Variants in NBPF26 observed in about 807,000 individuals in gnomAD.
NBPF26 encodes the protein NBPF member 26, also known as NBPF family member NBPF26.
In NBPF26, 79 loss-of-function variants were observed where a neutral mutation model predicts 119.6. That is an observed-to-expected ratio of 0.66 (90% CI 0.55 to 0.80). The LOEUF (loss-of-function observed/expected upper bound fraction) is 0.80. Among genes scored for constraint, NBPF26 ranks in the 30% least tolerant of loss-of-function variants. The probability of loss-of-function intolerance (pLI) is 0.00; values close to 1 mark genes in which losing one functional copy is unlikely to be tolerated. For missense variants in NBPF26, 800 were observed against 1,198.2 expected, an observed-to-expected ratio of 0.67 and a Z score of 4.91; for synonymous variants, 299 against 457.7, an observed-to-expected ratio of 0.65 and a Z score of 4.43.
At chr1:120,815,696 CA>C (rs1651993583) in intron 12 of NBPF26, among the ~76,000 whole-genome samples, 1 of 69,124 alleles carries the variant, frequency 1.4e-5, no homozygotes, top group Non-Finnish European at 2.5e-5. Context: ...GACTGTGGGA[CA>C]AGTTTGTCTG....
chr1:120,811,873 T>G lies in NBPF26; in HGVS notation c.1565-13T>G. The G allele has an allele frequency of 1.2e-6, 1 of 819,202 alleles. No homozygotes were observed. Among genetic ancestry groups the G allele is most frequent in the Non-Finnish European group, 1.9e-6 (1 of 513,262 alleles). The allele number at this position is 819,202 out of a possible 1,614,324, so 50.7% of individuals were successfully genotyped here. On this transcript the variant is annotated splice_polypyrimidine_tract_variant and intron_variant, in intron 9 of 29. Transcript: ENST00000620612. ...TTTTTAACCCATCATGTGTTTGCCTTTCTTCTCCCCAGTCCCTGGCCCCAC... is the reference window on the plus strand; with the variant it reads ...TTTTTAACCCATCATGTGTTTGCCTGTCTTCTCCCCAGTCCCTGGCCCCAC...
exon 1 of NBPF26, chr1:120,724,034 A>C: frequency 8.0e-7 from 1 of 1,245,196 alleles, no homozygotes; most frequent in Non-Finnish European, 1.0e-6. Context: ...TGGGCTTCGG[A>C]GCGTAGCGCC....
At chr1:120,752,540 A>G (rs1464556745) in intron 1 of NBPF26, among the ~76,000 whole-genome samples, 1 of 14,422 alleles carries the variant, frequency 6.9e-5, no homozygotes, top group Non-Finnish European at 1.2e-4. Context: ...ATATATATAT[A>G]TATATATATA....
intron 1 of NBPF26, 70 bp downstream of exon 1, chr1:120,724,320 T>C (rs1650790495): frequency 1.5e-6 from 2 of 1,360,436 alleles, no homozygotes; most frequent in African/African-American, 2.7e-5. Context: ...CTTCTCCCCC[T>C]CAGTCCTTCT....
In NBPF26 at chr1:120,777,475, T is replaced by C. The variant is rs1451895715; in HGVS notation, c.156-7499T>C. On this transcript the variant is annotated intron_variant, in intron 2 of 29. Transcript: ENST00000620612. ...TGTGTACGTGTGTGAGAGTGAGAGATTGTATACTTGTCTTTGTTTCTTCAC... is the reference window on the plus strand; with the variant it reads ...TGTGTACGTGTGTGAGAGTGAGAGACTGTATACTTGTCTTTGTTTCTTCAC... Among the ~76,000 whole-genome samples, 92 of 109,406 alleles carry C rather than the reference T, an allele frequency of 8.4e-4. 35 individuals carry two copies. Among genetic ancestry groups the C allele is most frequent in the African/African-American group, 5.1e-3 (91 of 17,802 alleles). 71.8% of individuals were successfully genotyped at this position (109,406 alleles called of 152,430 possible).
At chr1:120,817,449 G>T (rs1210320037) in intron 14 of NBPF26, among the ~76,000 whole-genome samples, 2 of 13,466 alleles carry the variant, frequency 1.5e-4, no homozygotes, top group Non-Finnish European at 2.4e-4. Flanking sequence ...TTTTTTTTGC[G>T]ATGGAGTCTT....
At chr1:120,778,118 C>T (rs1352068216) in intron 2 of NBPF26, among the ~76,000 whole-genome samples, 1 of 91,994 alleles carries the variant, frequency 1.1e-5, no homozygotes, top group Non-Finnish European at 2.0e-5. Flanking sequence ...GGAAACTAAG[C>T]TGGCATTATG....
Position 120,819,308 on chromosome 1 carries a change from T to A in NBPF26, c.2423+1134T>A, listed in dbSNP as rs1438062937. Reference sequence around the variant, plus strand: ...AGAGACTAGGATTGCAACCCCTGCCTTTTTTTTGTTTTCCATTTGCTTGGT... The same window carrying A: ...AGAGACTAGGATTGCAACCCCTGCCATTTTTTTGTTTTCCATTTGCTTGGT... On this transcript the variant is annotated intron_variant, in intron 15 of 29. Transcript: ENST00000620612. Among the ~76,000 whole-genome samples, 2 of 109,680 alleles carry A rather than the reference T, an allele frequency of 1.8e-5. 1 individual carries two copies. Among genetic ancestry groups the A allele is most frequent in the Non-Finnish European group, 3.3e-5 (2 of 59,740 alleles). The allele number at this position is 109,680 out of a possible 152,430, so 72.0% of individuals were successfully genotyped here. A position where few individuals can be genotyped will look rare whatever the true frequency, so the allele number is the denominator to read the frequency against.
At chr1:120,745,144 AC>A (rs1399578524) in intron 1 of NBPF26, among the ~76,000 whole-genome samples, 1 of 101,058 alleles carries the variant, frequency 9.9e-6, no homozygotes, top group South Asian at 2.8e-4. Flanking sequence ...CAAAAAAAAA[AC>A]AAAAAAAAGT....
At chr1:120,806,255 C>G (rs1651680155) in intron 5 of NBPF26, among the ~76,000 whole-genome samples, 1 of 122,678 alleles carries the variant, frequency 8.2e-6, no homozygotes, top group Non-Finnish European at 1.6e-5. Context: ...CAAGGGGAGT[C>G]TGCTCCTAAT....
At chr1:120,805,060 G>C (rs1651647702) in intron 4 of NBPF26, among the ~76,000 whole-genome samples, 2 of 121,980 alleles carry the variant, frequency 1.6e-5, no homozygotes, top group Admixed American at 1.6e-4. Context: ...ATGTTGTACA[G>C]ACAAGAGATA....
At chr1:120,819,218 T>C (rs1489843915) in intron 15 of NBPF26, among the ~76,000 whole-genome samples, 3 of 122,170 alleles carry the variant, frequency 2.5e-5, no homozygotes, top group African/African-American at 8.2e-5. Flanking sequence ...AATTGATCCC[T>C]TTACCATTAT....
chr1:120,790,056 A>G (rs1379171084), intron 3 of NBPF26, among the ~76,000 whole-genome samples: 3 of 67,132 alleles, frequency 4.5e-5, no homozygotes, highest in East Asian at 6.2e-4. Context: ...TTGCTTTGTC[A>G]TCCAGGCTGG....
Position 120,784,731 on chromosome 1 carries a change from T to A in NBPF26, c.156-243T>A, listed in dbSNP as rs1473833250. On this transcript the variant is annotated intron_variant, in intron 2 of 29. Transcript: ENST00000620612. ...TAGTAATTTTGTTTTCGTCTTCAGC[T>A]ATTAGAATGTAAACTCCAAGAGTGT... Among the ~76,000 whole-genome samples, 122 of 118,482 alleles carry A rather than the reference T, an allele frequency of 1.0e-3. 29 individuals are homozygous for A. The highest frequency in any genetic ancestry group is 9.8e-3 in the Admixed American group (122 of 12,400). 77.7% of individuals were successfully genotyped at this position (118,482 alleles called of 152,430 possible). A position where few individuals can be genotyped will look rare whatever the true frequency, so the allele number is the denominator to read the frequency against.
chr1:120,838,612 AT>A (rs1652453225), intron 27 of NBPF26, 132 bp from the exon 34 acceptor site: 1 of 93,704 alleles, frequency 1.1e-5, no homozygotes, highest in African/African-American at 1.7e-4. Flanking sequence ...GAAGGCAATA[AT>A]TTGTTACCTC....
chr1:120,769,484 C>G (rs1386925035), intron 2 of NBPF26, among the ~76,000 whole-genome samples: 1 of 129,372 alleles, frequency 7.7e-6, no homozygotes, highest in East Asian at 2.0e-4. Context: ...TTTAGCTGAA[C>G]ATTGTGTATA....
chr1:120,781,412 C>T (rs1247977930), intron 2 of NBPF26, among the ~76,000 whole-genome samples: 1 of 24,608 alleles, frequency 4.1e-5, no homozygotes, highest in Non-Finnish European at 6.5e-5. Context: ...TGTGTTAAGC[C>T]TTTTTCCATT....
In NBPF26 at chr1:120,806,904, C is replaced by T. The variant is rs1395203156; in HGVS notation, c.962-703C>T. ...TACATGAGGTATTTCCTGTCAATCT[C>T]CTTGAACATTAATTGGCACAGTGTA... is the stretch of plus-strand genomic sequence containing the variant. On this transcript the variant is annotated intron_variant, in intron 5 of 29. Transcript: ENST00000620612. Among the ~76,000 whole-genome samples the T allele has an allele frequency of 8.0e-5, 10 of 125,556 alleles. 3 individuals carry two copies. The highest frequency in any genetic ancestry group is 1.6e-4 in the Non-Finnish European group (10 of 61,494). The allele number at this position is 125,556 out of a possible 152,430, so 82.4% of individuals were successfully genotyped here.
chr1:120,802,833 G>A lies in NBPF26; in HGVS notation c.752-2723G>A, dbSNP rs1435322123. Among the ~76,000 whole-genome samples the A allele has an allele frequency of 2.4e-3, 261 of 108,496 alleles. 3 individuals carry two copies. The highest frequency in any genetic ancestry group is 0.014 in the African/African-American group (244 of 17,678). 71.2% of individuals were successfully genotyped at this position (108,496 alleles called of 152,430 possible). On this transcript the variant is annotated intron_variant, in intron 4 of 29. Transcript: ENST00000620612. ...CATGAAGAACAGACCCTTAAAAAGGGAAAGTGTTCCCTTCAGTTTGAGGAC... is the reference window on the plus strand; with the variant it reads ...CATGAAGAACAGACCCTTAAAAAGGAAAAGTGTTCCCTTCAGTTTGAGGAC...
Sources: gnomAD v4.1 joint callset for allele counts (sites outside exome capture counted in the v4.1 genomes callset) on GRCh38, gnomAD v4.1.1 for gene constraint, MANE v1.5 for transcripts, NCBI Gene and HGNC (gene_info 2026-07-23, HGNC 2026-07-21) for gene names.